Variants in ABCA5 observed in about 807,000 individuals in gnomAD.
ABCA5 encodes the protein ATP binding cassette subfamily A member 5.
Under a neutral mutation model 206.0 loss-of-function variants are expected in ABCA5, and 163 were observed. The ratio of observed to expected loss-of-function variants is 0.79; its 90% confidence interval spans 0.70 to 0.90. The LOEUF (loss-of-function observed/expected upper bound fraction) is 0.90. Among genes scored for constraint, ABCA5 ranks in the 40% least tolerant of loss-of-function variants. The probability of loss-of-function intolerance (pLI) is 0.00; values close to 1 mark genes in which losing one functional copy is unlikely to be tolerated. For missense variants in ABCA5, 1,859 were observed against 1,912.9 expected (o/e 0.97, Z 0.53); for synonymous variants, 609 against 613.8 (o/e 0.99, Z 0.11).
intron 3 of ABCA5, among the ~76,000 whole-genome samples, chr17:69,309,879 C>G (rs1018124367): frequency 1.3e-5 from 2 of 151,900 alleles, no homozygotes; most frequent in Non-Finnish European, 2.9e-5. Flanking sequence ...ATTCTTCCAA[C>G]AAAATAATAA....
At chr17:69,322,998 G>A (rs1369527293) in intron 1 of ABCA5, among the ~76,000 whole-genome samples, 2 of 152,082 alleles carry the variant, frequency 1.3e-5, no homozygotes, top group African/African-American at 2.4e-5. Flanking sequence ...TCCAACAAAT[G>A]ACTGTTAGAG....
chr17:69,272,582 C>T (rs2075284743), intron 20 of ABCA5, among the ~76,000 whole-genome samples: 1 of 151,670 alleles, frequency 6.6e-6, no homozygotes, highest in Admixed American at 6.6e-5. Context: ...AAGATTAGCA[C>T]AGTGTAAGGA....
intron 34 of ABCA5, among the ~76,000 whole-genome samples, chr17:69,252,316 A>G (rs1210329848): frequency 2.0e-5 from 3 of 152,050 alleles, no homozygotes. Context: ...CCAGGCCATG[A>G]CTTTTATATT....
chr17:69,308,383 A>T lies in ABCA5; in HGVS notation c.470-15T>A. 6.3e-7 allele frequency: 1 copy of T among 1,575,792 alleles called. No homozygotes were observed. The highest frequency in any genetic ancestry group is 8.7e-7 in the Non-Finnish European group (1 of 1,146,154). ...TGAACAGCCAGCTATGGGGGGAAGA[A>T]TATGAGATCTAAGATTCTGTACAAC... is the stretch of plus-strand genomic sequence containing the variant. On this transcript the variant is annotated splice_polypyrimidine_tract_variant and intron_variant, in intron 4 of 38. Transcript: ENST00000392676.
rs779717563 is a variant in ABCA5, at chr17:69,283,965, T to C, written c.2380A>G (p.Ile794Val). ...VFLKLEVEAE[I>V]DQADYSVFTQ... ...GTTCTGTTTTTACCTGCTTGGTCAA[T>C]TTCTGCTTCAACTTCTAGCTTTAAA... Residue 794 changes from isoleucine to valine, a missense_variant, in exon 18 of 39, where the codon ATT becomes GTT. Physicochemically the swap from Ile to Val is conservative, Grantham distance 29 (BLOSUM62 3). Coordinates refer to ENST00000392676, the MANE Select transcript of ABCA5 (RefSeq NM_172232.4). 1 of 1,607,856 alleles carries C rather than the reference T, an allele frequency of 6.2e-7. No homozygotes were observed.
rs116936585 is a variant in ABCA5, at chr17:69,246,129, G to A, written c.*1408C>T. 1.3e-5 allele frequency: 2 copies of A among 151,874 alleles called. No homozygotes were observed. Among genetic ancestry groups the A allele is most frequent in the African/African-American group, 4.8e-5 (2 of 41,408 alleles). The allele number at this position is 151,874 out of a possible 1,614,324, so 9.4% of individuals were successfully genotyped here. On this transcript the variant is annotated 3_prime_UTR_variant, in exon 39 of 39. Coordinates refer to ENST00000392676, the MANE Select transcript of ABCA5 (RefSeq NM_172232.4). Reference sequence around the variant, plus strand: ...GAGAAAGAACACTTTTAAATCCACTGCTAGAGCCTAAAATCACAGATGTCT... The same window carrying A: ...GAGAAAGAACACTTTTAAATCCACTACTAGAGCCTAAAATCACAGATGTCT...
At chr17:69,286,141 C>A in intron 16 of ABCA5, 80 bp downstream of exon 16, 1 of 1,543,322 alleles carries the variant, frequency 6.5e-7, no homozygotes. Flanking sequence ...ATGGTCAAAG[C>A]ATATAACAGC....
intron 3 of ABCA5, among the ~76,000 whole-genome samples, chr17:69,311,656 ATTTT>A (rs2075771682): frequency 6.6e-6 from 1 of 151,708 alleles, no homozygotes; most frequent in South Asian, 2.1e-4. Flanking sequence ...TGGCTGGATA[ATTTT>A]TTTGTATTTT....
chr17:69,276,211 C>G (rs2075330409), intron 19 of ABCA5, among the ~76,000 whole-genome samples: 1 of 152,096 alleles, frequency 6.6e-6, no homozygotes, highest in East Asian at 1.9e-4. Flanking sequence ...CTCAGCCTCT[C>G]AAGTAGCTGA....
At chr17:69,283,931 GT>G in intron 18 of ABCA5, 21 bp downstream of exon 18, 1 of 1,598,318 alleles carries the variant, frequency 6.3e-7, no homozygotes, top group Non-Finnish European at 8.5e-7. Flanking sequence ...TGCCTAAAAT[GT>G]TTTGTTAGTT....
At chr17:69,311,436 T>G (rs2075768132) in intron 3 of ABCA5, among the ~76,000 whole-genome samples, 1 of 152,152 alleles carries the variant, frequency 6.6e-6, no homozygotes, top group Non-Finnish European at 1.5e-5. Flanking sequence ...TACACTATTT[T>G]GGCATCTAAT....
chr17:69,309,741 G>A (rs539791666), intron 3 of ABCA5, among the ~76,000 whole-genome samples: 26 of 152,068 alleles, frequency 1.7e-4, no homozygotes, highest in African/African-American at 5.5e-4. Flanking sequence ...CTTGGGAGGC[G>A]GAGGTGGGAG....
At chr17:69,273,875 T>G (rs987382584) in intron 20 of ABCA5, 84 bp downstream of exon 20, 6 of 1,310,962 alleles carry the variant, frequency 4.6e-6, no homozygotes, top group Admixed American at 2.5e-5. Flanking sequence ...ACCTTAAATA[T>G]AGTTTTAAAA....
chr17:69,309,881 AAAT>A (rs1397503404), intron 3 of ABCA5, among the ~76,000 whole-genome samples: 2 of 152,046 alleles, frequency 1.3e-5, no homozygotes, highest in East Asian at 1.9e-4. Context: ...TCTTCCAACA[AAAT>A]AATAATAATA....
chr17:69,315,960 CAA>C (rs2075812482), intron 1 of ABCA5, among the ~76,000 whole-genome samples: 1 of 151,766 alleles, frequency 6.6e-6, no homozygotes, highest in African/African-American at 2.4e-5. Context: ...AGCAAAGAAA[CAA>C]GACATTAAGC....
chr17:69,305,766 G>C (rs1417725879), intron 6 of ABCA5, among the ~76,000 whole-genome samples: 1 of 152,118 alleles, frequency 6.6e-6, no homozygotes, highest in East Asian at 1.9e-4. Context: ...AACTACTTGA[G>C]AGACTGAGAT....
At position 69,271,034 on chromosome 17, in the gene ABCA5, A is replaced by G. The variant is rs112203003; in HGVS notation, c.2892+128T>C. 7.2e-6 allele frequency: 8 copies of G among 1,117,240 alleles called. No homozygotes were observed. In the African/African-American group the frequency reaches 9.7e-5, roughly 14 times the overall value. The allele number at this position is 1,117,240 out of a possible 1,614,324, so 69.2% of individuals were successfully genotyped here. ...AAATATATCATAAATAAAGACAGCT[A>G]GTTATTTCCAAAAGTAAAATCTAAT... On this transcript the variant is annotated intron_variant, in intron 21 of 38. Coordinates refer to ENST00000392676, the MANE Select transcript of ABCA5 (RefSeq NM_172232.4).
At position 69,297,359 on chromosome 17, in the gene ABCA5, C is replaced by G; in HGVS notation, c.1268G>C (p.Gly423Ala). The change falls in exon 10 of 39, where the codon GGG becomes GCG. Residue 423 changes from glycine (G) to alanine (A), a missense_variant and splice_region_variant. Transcript: ENST00000392676. ...LAVYLDQVIP[G>A]EFGLRRSSLY... The stretch of plus-strand genomic sequence containing the variant: ...AGATGATCTCCGTAAGCCAAATTCC[C>G]CTGAAAAATAAACATTAAAAAACTG... 1.3e-6 allele frequency: 2 copies of G among 1,578,286 alleles called. No homozygotes were observed. Among genetic ancestry groups the G allele is most frequent in the Non-Finnish European group, 1.7e-6 (2 of 1,169,848 alleles).
chr17:69,272,213 C>T (rs1440643335), intron 20 of ABCA5, among the ~76,000 whole-genome samples: 2 of 152,058 alleles, frequency 1.3e-5, no homozygotes, highest in Non-Finnish European at 1.5e-5. Context: ...GCAAGACCAG[C>T]TATGTACCCT....
Sources: gnomAD v4.1 joint callset for allele counts (sites outside exome capture counted in the v4.1 genomes callset) on GRCh38, gnomAD v4.1.1 for gene constraint, MANE v1.5 for transcripts, NCBI Gene and HGNC (gene_info 2026-07-23, HGNC 2026-07-21) for gene names.